Variants in ARHGAP42 observed in about 807,000 individuals in gnomAD.
ARHGAP42 encodes the protein rho GTPase-activating protein 42.
In ARHGAP42, 63 loss-of-function variants were observed where a neutral mutation model predicts 125.0. That is an observed-to-expected ratio of 0.50 (90% confidence interval 0.41 to 0.62). The LOEUF (loss-of-function observed/expected upper bound fraction) is 0.62. ARHGAP42 is among the 20% of genes least tolerant of loss of function. The probability of loss-of-function intolerance (pLI) is 0.00; values close to 1 mark genes in which losing one functional copy is unlikely to be tolerated. For synonymous variants in ARHGAP42, 339 were observed against 351.0 expected (o/e 0.97, Z 0.38); for missense variants, 766 against 1,024.2 (o/e 0.75, Z 3.44).
chr11:100,728,226 C>T (rs937726488), intron 1 of ARHGAP42, among the ~76,000 whole-genome samples: 9 of 152,148 alleles, frequency 5.9e-5, no homozygotes, highest in Non-Finnish European at 1.0e-4. Context: ...AGGATGGAAT[C>T]TCCTTAATCA....
intron 1 of ARHGAP42, among the ~76,000 whole-genome samples, chr11:100,713,134 T>C (rs1417412283): frequency 1.3e-5 from 2 of 152,344 alleles, no homozygotes; most frequent in African/African-American, 2.4e-5. Context: ...GGAAAACAGA[T>C]TTAGGTTTTA....
intron 4 of ARHGAP42, among the ~76,000 whole-genome samples, chr11:100,875,535 G>T (rs949048512): frequency 6.6e-6 from 1 of 152,348 alleles, no homozygotes; most frequent in South Asian, 2.1e-4. Flanking sequence ...ACTGGGGGGA[G>T]GGTTTGCAGT....
chr11:100,785,574 AG>A (rs1219017276), intron 2 of ARHGAP42, among the ~76,000 whole-genome samples: 3 of 152,134 alleles, frequency 2.0e-5, no homozygotes, highest in Middle Eastern at 3.2e-3. Context: ...AGGCTTCACT[AG>A]GGTGGGTGGT....
chr11:100,921,243 ATATTTTTTTTTTTTTTTT>A, intron 5 of ARHGAP42, among the ~76,000 whole-genome samples: 1 of 24,312 alleles, frequency 4.1e-5, no homozygotes, highest in African/African-American at 1.5e-4. Context: ...ATATATATAT[ATATTTTTTTTTTTTTTTT>A]TTTTTTTTTT....
intron 3 of ARHGAP42, among the ~76,000 whole-genome samples, chr11:100,854,994 A>T (rs551504147): frequency 6.6e-6 from 1 of 152,226 alleles, no homozygotes; most frequent in African/African-American, 2.4e-5. Context: ...TTCACTTATT[A>T]TTACCTACCT....
intron 3 of ARHGAP42, chr11:100,840,517 G>C (rs947703009): frequency 6.6e-6 from 1 of 152,088 alleles, no homozygotes; most frequent in Non-Finnish European, 1.5e-5. Context: ...AGTATTTAAT[G>C]TTAATTTCCT....
intron 2 of ARHGAP42, among the ~76,000 whole-genome samples, chr11:100,778,976 C>T (rs1049875809): frequency 2.0e-5 from 3 of 152,044 alleles, no homozygotes; most frequent in Non-Finnish European, 4.4e-5. Flanking sequence ...ATTATATGCT[C>T]TTTGAGGTCT....
intron 2 of ARHGAP42, among the ~76,000 whole-genome samples, chr11:100,781,807 C>T (rs879809847): frequency 1.2e-4 from 18 of 152,126 alleles, no homozygotes; most frequent in Non-Finnish European, 2.2e-4. Context: ...TGAAGTGAAG[C>T]TTGGTTTATT....
intron 3 of ARHGAP42, among the ~76,000 whole-genome samples, chr11:100,827,946 G>C (rs1025896002): frequency 6.6e-6 from 1 of 152,182 alleles, no homozygotes; most frequent in Non-Finnish European, 1.5e-5. Flanking sequence ...CATGGGAGTG[G>C]GGGTAAGAGA....
Position 100,992,164 on chromosome 11 carries a change from C to A in ARHGAP42, c.*3363C>A. On this transcript the variant is annotated 3_prime_UTR_variant, in exon 24 of 24. Transcript: ENST00000298815. ...AAGCAATTTCAAATTGTAGTGATAC[C>A]TTAAATCATGTATTCAGGATGCCTT... 1.1e-6 allele frequency: 1 copy of A among 869,956 alleles called. No individual in the cohort carries two copies. The highest frequency in any genetic ancestry group is 1.7e-6 in the Non-Finnish European group (1 of 582,042). 53.9% of individuals were successfully genotyped at this position (869,956 alleles called of 1,614,324 possible).
At chr11:100,849,038 T>C (rs1417759386) in intron 3 of ARHGAP42, among the ~76,000 whole-genome samples, 2 of 152,170 alleles carry the variant, frequency 1.3e-5, no homozygotes, top group African/African-American at 4.8e-5. Flanking sequence ...TCATAGCCAA[T>C]TCTATGAACT....
intron 3 of ARHGAP42, among the ~76,000 whole-genome samples, chr11:100,805,736 C>G (rs1591195487): frequency 1.3e-5 from 2 of 152,094 alleles, no homozygotes; most frequent in African/African-American, 4.8e-5. Context: ...CTTTTTAGAC[C>G]ATGTAGGGTA....
At chr11:100,852,435 T>C (rs1686584147) in intron 3 of ARHGAP42, among the ~76,000 whole-genome samples, 1 of 152,186 alleles carries the variant, frequency 6.6e-6, no homozygotes, top group Admixed American at 6.6e-5. Flanking sequence ...ATGAATGATT[T>C]TATTTTTTCA....
intron 13 of ARHGAP42, 29 bp from the exon 14 acceptor site, chr11:100,960,886 C>T (rs1482414913): frequency 4.3e-6 from 6 of 1,407,820 alleles, no homozygotes; most frequent in Non-Finnish European, 4.8e-6. Flanking sequence ...TATCTCAAGC[C>T]GTTTTCTTGT....
intron 1 of ARHGAP42, among the ~76,000 whole-genome samples, chr11:100,735,090 G>T (rs537201111): frequency 2.0e-5 from 3 of 152,360 alleles, no homozygotes; most frequent in African/African-American, 7.2e-5. Context: ...AACTGGATGT[G>T]AAAGTTCCCA....
intron 4 of ARHGAP42, among the ~76,000 whole-genome samples, chr11:100,862,535 C>T (rs557549619): frequency 6.6e-5 from 10 of 152,152 alleles, no homozygotes; most frequent in Admixed American, 3.9e-4. Context: ...TGAGAACACC[C>T]GACAGTATAC....
chr11:100,756,222 CAAAAAAAAAAA>C lies in ARHGAP42; in HGVS notation c.155-14105_155-14095del, dbSNP rs56164175. Among the ~76,000 whole-genome samples, 5 of 47,924 alleles carry C rather than the reference CAAAAAAAAAAA, an allele frequency of 1.0e-4. No homozygotes were observed. The East Asian group carries it at 3.1e-3, about 29-fold the overall frequency. The allele number at this position is 47,924 out of a possible 152,430, so 31.4% of individuals were successfully genotyped here. A position where few individuals can be genotyped will look rare whatever the true frequency, so the allele number is the denominator to read the frequency against. On this transcript the variant is annotated intron_variant, in intron 1 of 23. Transcript: ENST00000298815. ...TCAATACAGTGAGACCTTGTCTCTA[CAAAAAAAAAAA>C]AAAAAAAAAAAAAAAGTAGCTGGGC...
intron 3 of ARHGAP42, among the ~76,000 whole-genome samples, chr11:100,837,666 C>CTATTATTTATTTTTTTTTTT (rs1555008871): frequency 1.6e-5 from 1 of 61,042 alleles, no homozygotes. Flanking sequence ...AGGTGTCATC[C>CTATTATTTATTTTTTTTTTT]TTTTTTTTTT....
intron 19 of ARHGAP42, 24 bp downstream of exon 19, chr11:100,974,627 G>A: frequency 1.3e-6 from 2 of 1,529,404 alleles, no homozygotes; most frequent in East Asian, 2.5e-5. Flanking sequence ...GCCTTAGGGA[G>A]ATGCTTTCTT....
Sources: allele counts gnomAD v4.1 joint callset (sites outside exome capture counted in the v4.1 genomes callset), GRCh38; gene constraint gnomAD v4.1.1; transcripts MANE v1.5; gene names NCBI Gene and HGNC (gene_info 2026-07-23, HGNC 2026-07-21).